CECR2: variants seen among roughly 807,000 people sequenced by gnomAD.
CECR2 encodes chromatin remodeling regulator CECR2.
CECR2 carries 30 observed loss-of-function variants against 154.5 expected under a neutral mutation model. That is an observed-to-expected ratio of 0.19 (90% CI 0.15 to 0.26). CECR2 has a LOEUF of 0.26. Ranked by LOEUF, CECR2 falls within the 10% of genes least tolerant of loss-of-function variation. CECR2 has a pLI of 1.00. For missense variants in CECR2, 1,743 were observed against 1,829.3 expected (o/e 0.95, Z 0.86); for synonymous variants, 725 against 683.7 (o/e 1.06, Z -0.94).
At chr22:17,374,288 C>G (rs1264326067) in intron 1 of CECR2, among the ~76,000 whole-genome samples, 2 of 152,146 alleles carry the variant, frequency 1.3e-5, no homozygotes, top group African/African-American at 4.8e-5. Flanking sequence ...AGCATGAGAT[C>G]TAGGGGCAAT....
intron 8 of CECR2, 117 bp downstream of exon 8, chr22:17,512,013 T>A: frequency 1.3e-6 from 1 of 760,244 alleles, no homozygotes; most frequent in Non-Finnish European, 2.2e-6. Context: ...AAACCCCAAA[T>A]GTTTATTTAG....
chr22:17,499,147 G>A (rs1424676469), intron 3 of CECR2, among the ~76,000 whole-genome samples: 2 of 151,918 alleles, frequency 1.3e-5, no homozygotes, highest in Admixed American at 6.6e-5. Flanking sequence ...GCGCCACCAC[G>A]CCCAGCTGAT....
chr22:17,448,000 T>A (rs1253897997), intron 1 of CECR2, among the ~76,000 whole-genome samples: 2 of 152,230 alleles, frequency 1.3e-5, no homozygotes, highest in Non-Finnish European at 2.9e-5. Context: ...TACTTTGAGA[T>A]AATGTTGGGT....
intron 8 of CECR2, among the ~76,000 whole-genome samples, chr22:17,522,665 A>G (rs1371944646): frequency 1.3e-5 from 2 of 152,202 alleles, no homozygotes; most frequent in Non-Finnish European, 1.5e-5. Context: ...AAACTCTTCT[A>G]AAGTCAGGCT....
intron 1 of CECR2, among the ~76,000 whole-genome samples, chr22:17,465,731 C>A (rs1221194328): frequency 1.3e-5 from 2 of 152,066 alleles, no homozygotes; most frequent in Admixed American, 6.5e-5. Context: ...GATCCCCCCG[C>A]CTCAGCCTCC....
At position 17,553,957 on chromosome 22, in the gene CECR2, A is replaced by G. The variant is rs1295553430; in HGVS notation, c.*1117A>G. The G allele has an allele frequency of 1.3e-5, 2 of 152,232 alleles. No homozygotes were observed. Among genetic ancestry groups the G allele is most frequent in the Non-Finnish European group, 2.9e-5 (2 of 68,038 alleles). 9.4% of individuals were successfully genotyped at this position (152,232 alleles called of 1,614,324 possible). A position where few individuals can be genotyped will look rare whatever the true frequency, so the allele number is the denominator to read the frequency against. On this transcript the variant is annotated 3_prime_UTR_variant, in exon 19 of 19. Transcript: ENST00000262608. ...GGTTTGAATAGGAAAAATGTATTCTATAGATTTACAGTTTGAATTTAGGAA... is the reference window on the plus strand; with the variant it reads ...GGTTTGAATAGGAAAAATGTATTCTGTAGATTTACAGTTTGAATTTAGGAA...
chr22:17,481,031 C>A (rs566975229), intron 2 of CECR2, among the ~76,000 whole-genome samples: 1 of 96,644 alleles, frequency 1.0e-5, no homozygotes, highest in South Asian at 2.9e-4. Flanking sequence ...AAGAGTGAGA[C>A]TCCATCTCTT....
In CECR2 at chr22:17,524,258, C is replaced by T. The variant is rs1046176641; in HGVS notation, c.1095C>T (p.Val365=). The part of the protein sequence containing the change: ...EERKRELEEK[V]KAVEDRAKRR... The stretch of plus-strand genomic sequence containing the variant: ...GGAAACGCGAGTTGGAGGAGAAGGT[C>T]AAGGCAGTGGAAGGTATGTGCAGTG... The change falls in exon 9 of 19, where the codon GTC becomes GTT. Residue 365 remains valine, a synonymous_variant. Coordinates refer to ENST00000262608, the MANE Select transcript of CECR2 (RefSeq NM_001290047.2). 6.2e-7 allele frequency: 1 copy of T among 1,608,746 alleles called. No individual in the cohort carries two copies. The highest frequency in any genetic ancestry group is 8.5e-7 in the Non-Finnish European group (1 of 1,177,934).
intron 1 of CECR2, among the ~76,000 whole-genome samples, chr22:17,412,373 G>A (rs2054079881): frequency 6.6e-6 from 1 of 152,110 alleles, no homozygotes; most frequent in African/African-American, 2.4e-5. Flanking sequence ...TCAGTTTCTA[G>A]CTCTTCTTTC....
chr22:17,370,964 G>C (rs772262199), intron 1 of CECR2, among the ~76,000 whole-genome samples: 19 of 152,140 alleles, frequency 1.2e-4, no homozygotes, highest in Non-Finnish European at 2.6e-4. Context: ...TTTGTTTTCT[G>C]TTCTGCGGAT....
Position 17,549,379 on chromosome 22 carries a change from T to C in CECR2, c.4092T>C (p.Ser1364=). 6.2e-7 allele frequency: 1 copy of C among 1,613,904 alleles called. No individual in the cohort carries two copies. The highest frequency in any genetic ancestry group is 1.3e-5 in the African/African-American group (1 of 75,040). Residue 1364 remains serine, a synonymous_variant, in exon 17 of 19, where the codon TCT becomes TCC. Coordinates refer to ENST00000262608, the MANE Select transcript of CECR2 (RefSeq NM_001290047.2). ...GTCACTTTCAGCCCAGGGCTTACTCTTCCCCTGTGGCTGCCCTCCCACCTC... is the reference window on the plus strand; with the variant it reads ...GTCACTTTCAGCCCAGGGCTTACTCCTCCCCTGTGGCTGCCCTCCCACCTC... ...PASHFQPRAY[S]SPVAALPPHH... is the part of the protein sequence containing the mutation.
At chr22:17,374,226 T>C (rs1258280801) in intron 1 of CECR2, among the ~76,000 whole-genome samples, 3 of 152,202 alleles carry the variant, frequency 2.0e-5, no homozygotes, top group Non-Finnish European at 4.4e-5. Context: ...TTGCCTTCCT[T>C]GTGTCTCCTT....
At chr22:17,402,301 A>T (rs914278411) in intron 1 of CECR2, among the ~76,000 whole-genome samples, 3 of 152,184 alleles carry the variant, frequency 2.0e-5, no homozygotes, top group Non-Finnish European at 4.4e-5. Context: ...TTAACTTTTT[A>T]AAAAAATAAA....
At chr22:17,449,949 C>T (rs1448636842) in intron 1 of CECR2, among the ~76,000 whole-genome samples, 2 of 152,192 alleles carry the variant, frequency 1.3e-5, no homozygotes, top group Non-Finnish European at 2.9e-5. Flanking sequence ...AGCCACAATC[C>T]TATCAGGTGT....
At chr22:17,461,790 TA>T (rs1248393675) in intron 1 of CECR2, among the ~76,000 whole-genome samples, 3 of 149,498 alleles carry the variant, frequency 2.0e-5, no homozygotes, top group Non-Finnish European at 4.4e-5. Context: ...AAGTACCCGT[TA>T]CTTTTTTTTT....
In CECR2 at chr22:17,540,582, C is replaced by G; in HGVS notation, c.1666C>G (p.Arg556Gly). 6.2e-7 allele frequency: 1 copy of G among 1,613,110 alleles called. No homozygotes were observed. The highest frequency in any genetic ancestry group is 8.5e-7 in the Non-Finnish European group (1 of 1,179,436). ...GRSGGSHVWT[R>G]SRDPEGSSRK... ...AAGTGGTGGGAGCCATGTTTGGACCCGCTCCAGGGACCCAGAAGGGTCCAG... is the reference window on the plus strand; with the variant it reads ...AAGTGGTGGGAGCCATGTTTGGACCGGCTCCAGGGACCCAGAAGGGTCCAG... The change falls in exon 14 of 19, where the codon CGC (arginine) becomes GGC (glycine). Residue 556 changes from arginine to glycine, a missense_variant. By Grantham distance (125) the Arg-to-Gly change is moderately radical. This residue lies in a region of CECR2 where 1,250 missense variants were observed against 1,192.1 expected (regional missense o/e 1.05). Coordinates refer to ENST00000262608, the MANE Select transcript of CECR2 (RefSeq NM_001290047.2).
intron 1 of CECR2, among the ~76,000 whole-genome samples, chr22:17,447,824 A>AAAT (rs1295395562): frequency 6.6e-6 from 1 of 152,086 alleles, no homozygotes; most frequent in East Asian, 1.9e-4. Flanking sequence ...AGTTTACCTT[A>AAAT]AATAAAATGT....
intron 8 of CECR2, chr22:17,518,662 C>A: frequency 2.3e-6 from 1 of 440,348 alleles, no homozygotes; most frequent in African/African-American, 2.0e-5. Flanking sequence ...TTTGCTGAAC[C>A]ATTCCAGGTC....
At chr22:17,501,178 A>AGTGATAGTG (rs2055731496) in intron 5 of CECR2, among the ~76,000 whole-genome samples, 1 of 152,136 alleles carries the variant, frequency 6.6e-6, no homozygotes, top group African/African-American at 2.4e-5. Context: ...CTCTATCACT[A>AGTGATAGTG]AGCCTATTGA....
Sources: gnomAD v4.1 joint callset for allele counts (sites outside exome capture counted in the v4.1 genomes callset) on GRCh38, gnomAD v4.1.1 for gene constraint, gnomAD v4.1.1 regional missense constraint, MANE v1.5 for transcripts, NCBI Gene and HGNC (gene_info 2026-07-23, HGNC 2026-07-21) for gene names.